WDFY3: variants seen among roughly 807,000 people sequenced by gnomAD.
WDFY3 encodes the protein WD repeat and FYVE domain containing 3, also known as WD repeat and FYVE domain-containing protein 3.
In WDFY3, 66 loss-of-function variants were observed where a neutral mutation model predicts 409.6. The observed-to-expected ratio is 0.16, with a 90% CI of 0.13 to 0.20. The LOEUF (loss-of-function observed/expected upper bound fraction) is 0.20. WDFY3 is among the 10% of genes least tolerant of loss of function. The pLI, the probability that WDFY3 is intolerant of heterozygous loss-of-function variation, is 1.00. For missense variants in WDFY3, 3,031 were observed against 4,298.1 expected (o/e 0.71, Z 8.24); for synonymous variants, 1,521 against 1,537.1 (o/e 0.99, Z 0.25).
chr4:84,954,221 C>G (rs1773965504), intron 1 of WDFY3, among the ~76,000 whole-genome samples: 1 of 152,158 alleles, frequency 6.6e-6, no homozygotes. Flanking sequence ...TCTCAGGTAG[C>G]AAGTTTAATC....
chr4:84,799,267 C>T (rs537458212), intron 17 of WDFY3, among the ~76,000 whole-genome samples: 4 of 151,982 alleles, frequency 2.6e-5, no homozygotes, highest in East Asian at 1.9e-4. Flanking sequence ...AGAGATCCTT[C>T]GGCCTCAGTC....
At chr4:84,806,755 G>A (rs1427975533) in intron 15 of WDFY3, among the ~76,000 whole-genome samples, 6 of 151,868 alleles carry the variant, frequency 4.0e-5, no homozygotes, top group African/African-American at 7.3e-5. Context: ...ACAGGTGCAC[G>A]CTGCCATGCC....
intron 13 of WDFY3, among the ~76,000 whole-genome samples, chr4:84,814,926 T>C (rs940899204): frequency 1.3e-5 from 2 of 152,122 alleles, no homozygotes; most frequent in African/African-American, 2.4e-5. Flanking sequence ...GGGACTACCA[T>C]ACAAAATGGA....
At chr4:84,857,859 T>C (rs1759991761) in intron 4 of WDFY3, among the ~76,000 whole-genome samples, 2 of 152,218 alleles carry the variant, frequency 1.3e-5, no homozygotes, top group Non-Finnish European at 2.9e-5. Flanking sequence ...ATGGGTGATA[T>C]GTGAACTAAC....
intron 29 of WDFY3, among the ~76,000 whole-genome samples, chr4:84,773,783 C>T (rs921328791): frequency 4.6e-5 from 7 of 152,120 alleles, no homozygotes; most frequent in African/African-American, 1.7e-4. Flanking sequence ...TGCAGTGGTG[C>T]GATCTTGGCT....
rs375226039 is a variant in WDFY3 at position 84,795,551 on chromosome 4, C to T, written c.3168-572G>A. ...CTAAGGTGGGCAGATCACTTGAGGT[C>T]GGGAGTTCGAGACCAGCCTGGCCAC... is the stretch of plus-strand genomic sequence containing the variant. On this transcript the variant is annotated intron_variant, in intron 19 of 67. Coordinates refer to ENST00000295888, the MANE Select transcript of WDFY3 (RefSeq NM_014991.6). Among the ~76,000 whole-genome samples the T allele has an allele frequency of 4.6e-5, 7 of 152,150 alleles. No individual in the cohort carries two copies. The South Asian group carries it at 8.3e-4, about 18-fold the overall frequency.
At chr4:84,798,225 G>T (rs1749846591) in intron 17 of WDFY3, 117 bp from the exon 18 acceptor site, 1 of 833,584 alleles carries the variant, frequency 1.2e-6, no homozygotes, top group Non-Finnish European at 1.8e-6. Context: ...ATAAAAAAAT[G>T]CAAAGTATAA....
At position 84,753,703 on chromosome 4, in the gene WDFY3, T is replaced by C; in HGVS notation, c.5733A>G (p.Ser1911=). 6.4e-7 allele frequency: 1 copy of C among 1,570,860 alleles called. No individual in the cohort carries two copies. Among genetic ancestry groups the C allele is most frequent in the Non-Finnish European group, 8.6e-7 (1 of 1,161,710 alleles). ...TVFPFNIRPY[S]EMVTDLDDEV... ...TTTCCTCCCCCTTTCCTACCATCTC[T>C]GAGTAAGGGCGAATATTGAAGGGGA... The change falls in exon 35 of 68, where the codon TCA becomes TCG. Residue 1911 remains serine, a synonymous_variant. Transcript: ENST00000295888.
Position 84,677,430 on chromosome 4 carries a change from G to A in WDFY3, c.10260-34C>T, listed in dbSNP as rs763142857. 47 of 1,533,032 alleles carry A rather than the reference G, an allele frequency of 3.1e-5. No individual in the cohort carries two copies. The African/African-American group carries it at 4.2e-4, about 14-fold the overall frequency. 95.0% of individuals were successfully genotyped at this position (1,533,032 alleles called of 1,614,324 possible). On this transcript the variant is annotated intron_variant, in intron 66 of 67. Coordinates refer to ENST00000295888, the MANE Select transcript of WDFY3 (RefSeq NM_014991.6). The stretch of plus-strand genomic sequence containing the variant: ...GACACGACAGAGGAGGTCACTGCAC[G>A]GAAGGCTTCTGTGATCTCCTTCTTG...
At chr4:84,951,937 T>G (rs944303067) in intron 1 of WDFY3, among the ~76,000 whole-genome samples, 10 of 152,164 alleles carry the variant, frequency 6.6e-5, no homozygotes, top group African/African-American at 2.4e-4. Context: ...TTGATGAAAG[T>G]TTTAGTCAGG....
At chr4:84,938,820 C>A (rs934623303) in intron 1 of WDFY3, among the ~76,000 whole-genome samples, 1 of 152,136 alleles carries the variant, frequency 6.6e-6, no homozygotes, top group Non-Finnish European at 1.5e-5. Context: ...TGCACACATA[C>A]ACTTTTTTTC....
chr4:84,759,557 T>G (rs1462405433), intron 32 of WDFY3, among the ~76,000 whole-genome samples: 14 of 150,728 alleles, frequency 9.3e-5, no homozygotes, highest in African/African-American at 2.2e-4. Flanking sequence ...TTTTATTCTC[T>G]TTGAAGCAAT....
rs1171007759 is a variant in WDFY3 at position 84,786,114 on chromosome 4, C to A, written c.3927G>T (p.Val1309=). 1 of 1,605,946 alleles carries A rather than the reference C, an allele frequency of 6.2e-7. No homozygotes were observed. Among genetic ancestry groups the A allele is most frequent in the South Asian group, 1.1e-5 (1 of 89,566 alleles). Residue 1309 remains valine, a synonymous_variant, in exon 24 of 68, where the codon GTG becomes GTT. Coordinates refer to ENST00000295888, the MANE Select transcript of WDFY3 (RefSeq NM_014991.6). ...MPCKDAKSEG[V]VPSPVSLVPE... is the part of the protein sequence containing the mutation. ...GTACTAATGACACAGGGGATGGCAC[C>A]ACCCCTTCGGATTTTGCATCTTTAC...
rs750334762 is a variant in WDFY3, at chr4:84,829,120, G to A, written c.840C>T (p.Val280=). The A allele has an allele frequency of 1.1e-5, 17 of 1,613,496 alleles. No individual in the cohort carries two copies. Among genetic ancestry groups the A allele is most frequent in the Admixed American group, 6.7e-5 (4 of 59,966 alleles). The change falls in exon 9 of 68, where the codon GTC becomes GTT. Residue 280 remains valine, a synonymous_variant. Coordinates refer to ENST00000295888, the MANE Select transcript of WDFY3 (RefSeq NM_014991.6). ...QSDDLSPLEI[V]EMFAGLSCFL... ...AACAAGAAAGCCCAGCAAACATTTCGACAATTTCTAGGGGAGACAGGTCAT... is the reference window on the plus strand; with the variant it reads ...AACAAGAAAGCCCAGCAAACATTTCAACAATTTCTAGGGGAGACAGGTCAT...
intron 1 of WDFY3, among the ~76,000 whole-genome samples, chr4:84,944,931 T>A (rs1196864606): frequency 1.3e-5 from 2 of 152,172 alleles, no homozygotes; most frequent in African/African-American, 2.4e-5. Context: ...AAGCTTATAA[T>A]CCTTCCCTTT....
At chr4:84,840,034 C>T (rs1444368247) in intron 6 of WDFY3, among the ~76,000 whole-genome samples, 1 of 152,090 alleles carries the variant, frequency 6.6e-6, no homozygotes, top group Non-Finnish European at 1.5e-5. Flanking sequence ...TCACATGGTA[C>T]AATTATGTTA....
chr4:84,810,383 T>C (rs1423782034), intron 13 of WDFY3, 39 bp from the exon 14 acceptor site: 5 of 1,144,274 alleles, frequency 4.4e-6, no homozygotes, highest in Non-Finnish European at 4.6e-6. Flanking sequence ...AAAATACACA[T>C]AATTCAAAAA....
intron 30 of WDFY3, among the ~76,000 whole-genome samples, chr4:84,770,470 G>A (rs1257613129): frequency 3.3e-5 from 5 of 152,078 alleles, no homozygotes; most frequent in Non-Finnish European, 5.9e-5. Context: ...CATTTGCAGT[G>A]GTGTGGAACT....
chr4:84,748,303 C>G (rs147205941), intron 36 of WDFY3, among the ~76,000 whole-genome samples: 2 of 152,240 alleles, frequency 1.3e-5, no homozygotes, highest in African/African-American at 4.8e-5. Flanking sequence ...CACAATAATT[C>G]TCAGAGAGAG....
Sources: allele counts gnomAD v4.1 joint callset (sites outside exome capture counted in the v4.1 genomes callset), GRCh38; gene constraint gnomAD v4.1.1; transcripts MANE v1.5; gene names NCBI Gene and HGNC (gene_info 2026-07-23, HGNC 2026-07-21).